The following STX18 variants were observed in gnomAD, a reference collection of about 807,000 sequenced individuals.
STX18 encodes syntaxin 18.
A neutral mutation model predicts 50.1 loss-of-function variants in STX18; 40 were observed. That is an observed-to-expected ratio of 0.80 (90% CI 0.62 to 1.04). The LOEUF (loss-of-function observed/expected upper bound fraction) is 1.04, where lower values mean the gene tolerates loss of function less well. STX18 is among the 50% of genes least tolerant of loss of function. The pLI, the probability that STX18 is intolerant of heterozygous loss-of-function variation, is 0.00. For synonymous variants in STX18, 158 were observed against 151.8 expected, an observed-to-expected ratio of 1.04 and a Z score of -0.30; for missense variants, 410 against 415.8, an observed-to-expected ratio of 0.99 and a Z score of 0.12.
At chr4:4,487,429 G>C (rs1728748528) in intron 1 of STX18, among the ~76,000 whole-genome samples, 1 of 152,156 alleles carries the variant, frequency 6.6e-6, no homozygotes. Flanking sequence ...CCATTGTATA[G>C]ACTATCTCAT....
intron 1 of STX18, among the ~76,000 whole-genome samples, chr4:4,513,087 G>A (rs1560203269): frequency 6.6e-6 from 1 of 152,164 alleles, no homozygotes; most frequent in African/African-American, 2.4e-5. Flanking sequence ...GAAGGAAGCA[G>A]TCTAAGCTGA....
intron 1 of STX18, among the ~76,000 whole-genome samples, chr4:4,501,329 T>C (rs1294107428): frequency 6.6e-6 from 1 of 152,160 alleles, no homozygotes; most frequent in Non-Finnish European, 1.5e-5. Flanking sequence ...ACAGCACCCC[T>C]CCCAGCCTCC....
Position 4,421,644 on chromosome 4 carries a change from T to C in STX18, c.832-700A>G, listed in dbSNP as rs144717901. 2.1e-3 allele frequency among the ~76,000 whole-genome samples: 327 copies of C among 152,314 alleles called. 6 individuals carry two copies. The highest frequency in any genetic ancestry group is 0.012 in the East Asian group (60 of 5,176). ...GTGACGGACAAAAACCTAAGAGCTATTGTTTGTGGAGCAGCCACCATATGC... is the reference window on the plus strand; with the variant it reads ...GTGACGGACAAAAACCTAAGAGCTACTGTTTGTGGAGCAGCCACCATATGC... On this transcript the variant is annotated intron_variant, in intron 9 of 10. Coordinates refer to ENST00000306200, the MANE Select transcript of STX18 (RefSeq NM_016930.4).
chr4:4,541,577 CGCA>C (rs770285895), intron 1 of STX18, among the ~76,000 whole-genome samples: 1 of 152,034 alleles, frequency 6.6e-6, no homozygotes, highest in South Asian at 2.1e-4. Context: ...TCCCTGTCGC[CGCA>C]GGAGAAATCT....
intron 1 of STX18, among the ~76,000 whole-genome samples, chr4:4,518,662 C>CT (rs1730386746): frequency 6.6e-6 from 1 of 152,146 alleles, no homozygotes; most frequent in African/African-American, 2.4e-5. Flanking sequence ...CTTCCTCTCT[C>CT]TTTTCCTTTC....
chr4:4,471,641 A>G lies in STX18; in HGVS notation c.234T>C (p.Tyr78=), dbSNP rs144764754. ...LEHRKDYINA[Y]SHTMSEYGRM... is the part of the protein sequence containing the mutation. Reference sequence around the variant, plus strand: ...CTGGTAAAAAAATATGTACTTACCTATAAGCATTAATATAATCTTTCCTGT... The same window carrying G: ...CTGGTAAAAAAATATGTACTTACCTGTAAGCATTAATATAATCTTTCCTGT... The change falls in exon 2 of 11, where the codon TAT becomes TAC. Residue 78 remains tyrosine, a splice_region_variant and synonymous_variant. Transcript: ENST00000306200. 7.0e-6 allele frequency: 11 copies of G among 1,565,600 alleles called. No individual in the cohort carries two copies. The African/African-American group carries it at 1.1e-4, about 16-fold the overall frequency.
chr4:4,509,449 G>C (rs887908911), intron 1 of STX18, among the ~76,000 whole-genome samples: 1 of 151,736 alleles, frequency 6.6e-6, no homozygotes, highest in African/African-American at 2.4e-5. Flanking sequence ...TGTGGACTCT[G>C]GATATTAGAC....
At chr4:4,522,884 T>A (rs1730577637) in intron 1 of STX18, among the ~76,000 whole-genome samples, 1 of 152,178 alleles carries the variant, frequency 6.6e-6, no homozygotes, top group Non-Finnish European at 1.5e-5. Flanking sequence ...ATAAACTAAT[T>A]TTGGATTTCA....
At chr4:4,526,195 T>A (rs1730743462) in intron 1 of STX18, among the ~76,000 whole-genome samples, 1 of 152,212 alleles carries the variant, frequency 6.6e-6, no homozygotes, top group African/African-American at 2.4e-5. Context: ...GGAGAGGGAC[T>A]GAGGGCTCAC....
At chr4:4,514,841 C>T (rs867597159) in intron 1 of STX18, among the ~76,000 whole-genome samples, 4 of 151,782 alleles carry the variant, frequency 2.6e-5, no homozygotes, top group Non-Finnish European at 5.9e-5. Flanking sequence ...GAGAGAGGAT[C>T]CAAAGGGTCT....
intron 1 of STX18, among the ~76,000 whole-genome samples, chr4:4,479,274 T>C (rs1338156271): frequency 1.3e-5 from 2 of 152,230 alleles, no homozygotes; most frequent in Admixed American, 6.5e-5. Context: ...ACACATCCTG[T>C]ATAAATGGTT....
intron 5 of STX18, among the ~76,000 whole-genome samples, chr4:4,454,932 CATTT>C (rs1251994400): frequency 1.3e-5 from 2 of 152,194 alleles, no homozygotes; most frequent in Non-Finnish European, 2.9e-5. Context: ...TACAAATTAA[CATTT>C]ATTAACTCAC....
chr4:4,530,858 C>T (rs574808553), intron 1 of STX18, among the ~76,000 whole-genome samples: 1 of 152,294 alleles, frequency 6.6e-6, no homozygotes, highest in African/African-American at 2.4e-5. Context: ...CCACCCACCT[C>T]AGCCTCCCAA....
intron 1 of STX18, 84 bp downstream of exon 1, chr4:4,541,713 G>A (rs1731606083): frequency 1.3e-6 from 2 of 1,482,530 alleles, no homozygotes; most frequent in Non-Finnish European, 1.8e-6. Context: ...AATGCTTACG[G>A]GACGGGGTCT....
At chr4:4,455,300 C>T (rs1392668501) in intron 5 of STX18, among the ~76,000 whole-genome samples, 2 of 152,260 alleles carry the variant, frequency 1.3e-5, no homozygotes, top group African/African-American at 4.8e-5. Flanking sequence ...TAATCTATGG[C>T]TTCTCTCAAG....
intron 6 of STX18, among the ~76,000 whole-genome samples, chr4:4,437,310 C>A (rs1224531114): frequency 6.6e-6 from 1 of 152,120 alleles, no homozygotes; most frequent in Non-Finnish European, 1.5e-5. Flanking sequence ...CCTCTGCTCT[C>A]TCTTGAGGTA....
intron 1 of STX18, among the ~76,000 whole-genome samples, chr4:4,529,467 T>C (rs1011842471): frequency 1.3e-5 from 2 of 152,214 alleles, no homozygotes; most frequent in Non-Finnish European, 2.9e-5. Flanking sequence ...CTTTCAAATA[T>C]ATAATGTATG....
chr4:4,427,409 A>C (rs2108775391), intron 7 of STX18, among the ~76,000 whole-genome samples: 1 of 152,374 alleles, frequency 6.6e-6, no homozygotes, highest in Admixed American at 6.5e-5. Flanking sequence ...TGAGTTTGAA[A>C]GTATCCGCTC....
At chr4:4,456,126 A>T (rs549493938) in intron 5 of STX18, among the ~76,000 whole-genome samples, 8 of 152,192 alleles carry the variant, frequency 5.3e-5, no homozygotes, top group South Asian at 4.2e-4. Context: ...AAATAAAATT[A>T]AAAAATAGGC....
Sources: allele counts gnomAD v4.1 joint callset (sites outside exome capture counted in the v4.1 genomes callset), GRCh38; gene constraint gnomAD v4.1.1; transcripts MANE v1.5; gene names NCBI Gene and HGNC (gene_info 2026-07-23, HGNC 2026-07-21).